Variants in RGL1 observed in about 807,000 individuals in gnomAD.
RGL1 encodes the protein ral guanine nucleotide dissociation stimulator like 1.
In RGL1, 24 loss-of-function variants were observed where a neutral mutation model predicts 95.2. The ratio of observed to expected loss-of-function variants is 0.25; its 90% CI spans 0.18 to 0.35. RGL1 has a LOEUF of 0.35. Among genes scored for constraint, RGL1 ranks in the 10% least tolerant of loss-of-function variants. The probability of loss-of-function intolerance (pLI) is 1.00; values close to 1 mark genes in which losing one functional copy is unlikely to be tolerated. For synonymous variants in RGL1, 329 were observed against 344.9 expected, an observed-to-expected ratio of 0.95 and a Z score of 0.51; for missense variants, 715 against 936.3, an observed-to-expected ratio of 0.76 and a Z score of 3.08.
intron 2 of RGL1, among the ~76,000 whole-genome samples, chr1:183,752,968 G>A (rs1405924419): frequency 1.3e-5 from 2 of 151,914 alleles, no homozygotes; most frequent in Admixed American, 1.3e-4. Flanking sequence ...TTCCATGTGG[G>A]TTTCCTTTTA....
chr1:183,916,361 T>A, intron 15 of RGL1, 86 bp from the exon 16 acceptor site: 1 of 1,511,316 alleles, frequency 6.6e-7, no homozygotes, highest in Non-Finnish European at 9.0e-7. Context: ...TCTATCAGTC[T>A]TGATATCTAC....
chr1:183,765,073 T>C (rs1186146092), intron 2 of RGL1, among the ~76,000 whole-genome samples: 1 of 152,162 alleles, frequency 6.6e-6, no homozygotes, highest in Non-Finnish European at 1.5e-5. Context: ...CCAAAAGAAC[T>C]TGTGGTTCCT....
At chr1:183,814,735 G>A (rs1661968529) in intron 2 of RGL1, among the ~76,000 whole-genome samples, 1 of 152,110 alleles carries the variant, frequency 6.6e-6, no homozygotes, top group African/African-American at 2.4e-5. Flanking sequence ...CTAAGGGTAG[G>A]ATGTCTTAGG....
At chr1:183,708,908 G>A (rs925789935) in intron 1 of RGL1, among the ~76,000 whole-genome samples, 1 of 152,214 alleles carries the variant, frequency 6.6e-6, no homozygotes, top group Non-Finnish European at 1.5e-5. Flanking sequence ...GGCACCAGAT[G>A]TAAGGCTCTT....
intron 17 of RGL1, 98 bp downstream of exon 17, chr1:183,922,434 A>G (rs1379603768): frequency 1.2e-6 from 1 of 849,036 alleles, no homozygotes; most frequent in African/African-American, 1.7e-5. Context: ...ACGGATACGT[A>G]TTGTTTTATT....
chr1:183,784,616 G>C (rs1005800961), intron 2 of RGL1, among the ~76,000 whole-genome samples: 1 of 152,192 alleles, frequency 6.6e-6, no homozygotes, highest in African/African-American at 2.4e-5. Context: ...TTCGACGCTG[G>C]GTTTACAGGT....
At chr1:183,791,286 T>C (rs1660430573) in intron 2 of RGL1, among the ~76,000 whole-genome samples, 1 of 152,252 alleles carries the variant, frequency 6.6e-6, no homozygotes, top group African/African-American at 2.4e-5. Context: ...GTTATCTAAT[T>C]GATATACAAT....
intron 1 of RGL1, among the ~76,000 whole-genome samples, chr1:183,673,012 C>T (rs1376031079): frequency 1.3e-5 from 2 of 152,184 alleles, no homozygotes; most frequent in African/African-American, 4.8e-5. Context: ...GTATTAAGCC[C>T]AGCATCCATT....
chr1:183,851,374 A>G (rs1266086000), intron 3 of RGL1, among the ~76,000 whole-genome samples: 3 of 152,184 alleles, frequency 2.0e-5, no homozygotes, highest in Non-Finnish European at 2.9e-5. Context: ...GTTTAGAGGT[A>G]GATTTACTAT....
At chr1:183,687,143 T>C (rs6664058) in intron 1 of RGL1, among the ~76,000 whole-genome samples, 106,215 of 152,152 alleles carry the variant, frequency 0.7, 37,471 homozygotes, top group East Asian at 0.91. Context: ...TATGTGCTAT[T>C]CTATTACCTT....
intron 1 of RGL1, among the ~76,000 whole-genome samples, chr1:183,639,654 T>G (rs959219645): frequency 1.3e-5 from 2 of 150,896 alleles, no homozygotes; most frequent in Non-Finnish European, 2.9e-5. Flanking sequence ...GTGGAATAGA[T>G]AGGGTGAACT....
intron 4 of RGL1, among the ~76,000 whole-genome samples, chr1:183,876,716 A>T (rs565632301): frequency 4.4e-4 from 67 of 152,350 alleles, no homozygotes; most frequent in African/African-American, 1.5e-3. Flanking sequence ...ATGTGGGCAC[A>T]TATGTGTGTG....
intron 8 of RGL1, among the ~76,000 whole-genome samples, 193 bp from the exon 9 acceptor site, chr1:183,891,884 G>C (rs1667445778): frequency 6.6e-6 from 1 of 151,768 alleles, no homozygotes; most frequent in African/African-American, 2.4e-5. Context: ...GGGTGGCCAA[G>C]TCCACCTTAA....
chr1:183,681,242 T>A (rs531601853), intron 1 of RGL1, among the ~76,000 whole-genome samples: 83 of 152,332 alleles, frequency 5.4e-4, no homozygotes, highest in African/African-American at 1.9e-3. Flanking sequence ...AGGGCATCCT[T>A]GTCTTGTGCC....
intron 1 of RGL1, among the ~76,000 whole-genome samples, chr1:183,805,997 T>TTTTTTTTTTTTTTTTC (rs1661303439): frequency 1.2e-5 from 1 of 80,558 alleles, no homozygotes; most frequent in Non-Finnish European, 2.4e-5. Context: ...TTTTTTTTTT[T>TTTTTTTTTTTTTTTTC]TTTTTTTTTT....
intron 4 of RGL1, among the ~76,000 whole-genome samples, chr1:183,872,270 A>G (rs192307614): frequency 6.6e-6 from 1 of 152,222 alleles, no homozygotes; most frequent in Admixed American, 6.5e-5. Flanking sequence ...CTTTTACAAC[A>G]CGAATCTTCA....
At chr1:183,859,111 G>A (rs542676331) in intron 3 of RGL1, among the ~76,000 whole-genome samples, 4 of 152,242 alleles carry the variant, frequency 2.6e-5, no homozygotes, top group Admixed American at 6.5e-5. Context: ...TCTGTTGTCC[G>A]TCATTGTAGC....
intron 4 of RGL1, among the ~76,000 whole-genome samples, chr1:183,880,350 A>G (rs1666752404): frequency 6.7e-6 from 1 of 148,970 alleles, no homozygotes; most frequent in African/African-American, 2.5e-5. Flanking sequence ...GGGTTTTTCC[A>G]AAGTTTAGCC....
At chr1:183,836,257 T>G (rs1409635440) in intron 2 of RGL1, among the ~76,000 whole-genome samples, 1 of 151,874 alleles carries the variant, frequency 6.6e-6, no homozygotes, top group East Asian at 1.9e-4. Flanking sequence ...TCTTTTCTTT[T>G]CTTTTTTTTT....
Sources: gnomAD v4.1 joint callset for allele counts (sites outside exome capture counted in the v4.1 genomes callset) on GRCh38, gnomAD v4.1.1 for gene constraint, MANE v1.5 for transcripts, NCBI Gene and HGNC (gene_info 2026-07-23, HGNC 2026-07-21) for gene names.